Variants in RUNX1 observed in about 807,000 individuals in gnomAD.
RUNX1 encodes RUNX family transcription factor 1, also known as runt-related transcription factor 1.
A neutral mutation model predicts 42.8 loss-of-function variants in RUNX1; 19 were observed. That is an observed-to-expected ratio of 0.44 (90% CI 0.31 to 0.65). The LOEUF (loss-of-function observed/expected upper bound fraction) is 0.65, where lower values mean the gene tolerates loss of function less well. Among genes scored for constraint, RUNX1 ranks in the 30% least tolerant of loss-of-function variants. RUNX1 has a pLI of 0.07. For missense variants in RUNX1, 528 were observed against 672.0 expected (o/e 0.79, Z 2.37); for synonymous variants, 271 against 289.4 (o/e 0.94, Z 0.64).
intron 3 of RUNX1, chr21:34,889,820 G>A (rs575027606): frequency 1.4e-3 from 1,587 of 1,115,216 alleles, no homozygotes; most frequent in Admixed American, 1.7e-3. Flanking sequence ...CCCTCCCAGC[G>A]GAGGCTGCTC....
At chr21:34,823,049 G>C (rs1453257195) in intron 7 of RUNX1, among the ~76,000 whole-genome samples, 1 of 152,190 alleles carries the variant, frequency 6.6e-6, no homozygotes, top group Non-Finnish European at 1.5e-5. Flanking sequence ...GCTTTAGAAT[G>C]ACTCAGGTTG....
rs2056905043 is a variant in RUNX1 at position 34,821,336 on chromosome 21, T to C, written c.805+13074A>G. 4 of 1,181,900 alleles carry C rather than the reference T, an allele frequency of 3.4e-6. No homozygotes were observed. The East Asian group carries it at 1.4e-4, about 42-fold the overall frequency. The allele number at this position is 1,181,900 out of a possible 1,614,324, so 73.2% of individuals were successfully genotyped here. On this transcript the variant is annotated intron_variant, in intron 7 of 8. Coordinates refer to ENST00000675419, the MANE Select transcript of RUNX1 (RefSeq NM_001754.5). The stretch of plus-strand genomic sequence containing the variant: ...AGTATTGAAAGTGTACCGGGATCCA[T>C]GCTAAATATTTGATAAAAATATATC...
intron 2 of RUNX1, among the ~76,000 whole-genome samples, chr21:34,905,153 T>C (rs2058208343): frequency 6.6e-6 from 1 of 152,156 alleles, no homozygotes. Context: ...GCACGCCCCC[T>C]TCTCCCAATT....
rs1375769604 is a variant in RUNX1, at chr21:34,788,413, A to G, written c.*3722T>C. 1 of 233,246 alleles carries G rather than the reference A, an allele frequency of 4.3e-6. No homozygotes were observed. Among genetic ancestry groups the G allele is most frequent in the Non-Finnish European group, 8.5e-6 (1 of 117,870 alleles). 14.4% of individuals were successfully genotyped at this position (233,246 alleles called of 1,614,324 possible). A position where few individuals can be genotyped will look rare whatever the true frequency, so the allele number is the denominator to read the frequency against. On this transcript the variant is annotated 3_prime_UTR_variant, in exon 9 of 9. Coordinates refer to ENST00000675419, the MANE Select transcript of RUNX1 (RefSeq NM_001754.5). Reference sequence around the variant, plus strand: ...AACAAAAAAAGTGAACTTAAAAAAAATTGGAACCATGCTATTAGCTGTTTA... The same window carrying G: ...AACAAAAAAAGTGAACTTAAAAAAAGTTGGAACCATGCTATTAGCTGTTTA...
chr21:34,872,216 T>A, intron 5 of RUNX1, among the ~76,000 whole-genome samples: 1 of 152,330 alleles, frequency 6.6e-6, no homozygotes, highest in East Asian at 1.9e-4. Context: ...AGTGGCTCCA[T>A]GGACTCTCTG....
At chr21:34,838,468 C>T (rs1266193108) in intron 6 of RUNX1, among the ~76,000 whole-genome samples, 1 of 152,102 alleles carries the variant, frequency 6.6e-6, no homozygotes, top group Non-Finnish European at 1.5e-5. Context: ...TATGCAAAAG[C>T]ATAATACCAA....
chr21:34,940,749 C>T (rs184114780), intron 2 of RUNX1, among the ~76,000 whole-genome samples: 25 of 152,326 alleles, frequency 1.6e-4, no homozygotes, highest in African/African-American at 5.1e-4. Flanking sequence ...GGTAAGAAGA[C>T]GCTTCATCTA....
chr21:35,018,006 AT>A (rs1465261076), intron 2 of RUNX1, among the ~76,000 whole-genome samples: 7 of 152,000 alleles, frequency 4.6e-5, no homozygotes, highest in African/African-American at 1.5e-4. Flanking sequence ...ATACCCCAAA[AT>A]TTATATTTCC....
At chr21:34,962,035 G>T (rs2058685448) in intron 2 of RUNX1, among the ~76,000 whole-genome samples, 1 of 151,972 alleles carries the variant, frequency 6.6e-6, no homozygotes. Flanking sequence ...TGGGACTACA[G>T]GTGCATGCCA....
chr21:35,047,301 T>C (rs2147034027), intron 2 of RUNX1, among the ~76,000 whole-genome samples: 1 of 152,100 alleles, frequency 6.6e-6, no homozygotes, highest in African/African-American at 2.4e-5. Context: ...CAGGGAGCCG[T>C]TTGCAGCTTT....
At chr21:35,009,415 T>C (rs2059109191) in intron 2 of RUNX1, among the ~76,000 whole-genome samples, 4 of 152,214 alleles carry the variant, frequency 2.6e-5, no homozygotes, top group Admixed American at 2.6e-4. Flanking sequence ...TTCACCAATA[T>C]AATCTTGAGG....
intron 7 of RUNX1, among the ~76,000 whole-genome samples, chr21:34,826,521 T>C (rs1409917790): frequency 7.8e-6 from 1 of 128,820 alleles, no homozygotes; most frequent in African/African-American, 2.8e-5. Flanking sequence ...CACTGCAACC[T>C]CCACCTCCCC....
chr21:34,842,044 G>C (rs754074333), intron 6 of RUNX1, among the ~76,000 whole-genome samples: 4 of 152,186 alleles, frequency 2.6e-5, no homozygotes, highest in Non-Finnish European at 5.9e-5. Context: ...TTCATGATTG[G>C]TGCTGTCCAA....
At chr21:34,979,816 G>C (rs554025207) in intron 2 of RUNX1, among the ~76,000 whole-genome samples, 1 of 152,254 alleles carries the variant, frequency 6.6e-6, no homozygotes, top group South Asian at 2.1e-4. Flanking sequence ...TCATTAACAA[G>C]TTTTTTTCTC....
At chr21:35,015,459 G>A (rs531489154) in intron 2 of RUNX1, among the ~76,000 whole-genome samples, 104 of 152,166 alleles carry the variant, frequency 6.8e-4, no homozygotes, top group Non-Finnish European at 1.3e-3. Context: ...GAAGGATGAA[G>A]GCTGCTTTAT....
intron 5 of RUNX1, among the ~76,000 whole-genome samples, chr21:34,878,117 T>C (rs1261282665): frequency 6.6e-6 from 1 of 151,180 alleles, no homozygotes; most frequent in Admixed American, 6.6e-5. Context: ...TTAAGACTAA[T>C]TGTTAAAATT....
In RUNX1 at chr21:34,849,569, A is replaced by G. The variant is rs113948669; in HGVS notation, c.613+9905T>C. On this transcript the variant is annotated intron_variant, in intron 6 of 8. Coordinates refer to ENST00000675419, the MANE Select transcript of RUNX1 (RefSeq NM_001754.5). ...CATGACAGCAAATTTTACCAGTGAC[A>G]CGGCATAATTTACACATAGAAGTTG... Among the ~76,000 whole-genome samples the G allele has an allele frequency of 2.2e-3, 299 of 138,348 alleles. 1 individual carries two copies. Among genetic ancestry groups the G allele is most frequent in the African/African-American group, 7.7e-3 (285 of 36,784 alleles). 90.8% of individuals were successfully genotyped at this position (138,348 alleles called of 152,430 possible). A position where few individuals can be genotyped will look rare whatever the true frequency, so the allele number is the denominator to read the frequency against.
At chr21:34,828,624 G>T (rs1369462063) in intron 7 of RUNX1, among the ~76,000 whole-genome samples, 1 of 152,202 alleles carries the variant, frequency 6.6e-6, no homozygotes, top group African/African-American at 2.4e-5. Context: ...TGGAAACCTG[G>T]TTGCCATCAT....
At chr21:34,959,339 G>T (rs886707915) in intron 2 of RUNX1, among the ~76,000 whole-genome samples, 25 of 152,272 alleles carry the variant, frequency 1.6e-4, no homozygotes, top group African/African-American at 6.0e-4. Flanking sequence ...CCTGGGCAAG[G>T]TACGCAAGCT....
Sources: allele counts gnomAD v4.1 joint callset (sites outside exome capture counted in the v4.1 genomes callset), GRCh38; gene constraint gnomAD v4.1.1; transcripts MANE v1.5; gene names NCBI Gene and HGNC (gene_info 2026-07-23, HGNC 2026-07-21).